The following ADAMTSL1 variants were observed in gnomAD, a reference collection of about 807,000 sequenced individuals.
The protein encoded by ADAMTSL1 is ADAMTS-like protein 1.
A neutral mutation model predicts 201.8 loss-of-function variants in ADAMTSL1; 126 were observed. That is an observed-to-expected ratio of 0.62 (90% CI 0.54 to 0.72). The LOEUF (loss-of-function observed/expected upper bound fraction) is 0.72. ADAMTSL1 is among the 30% of genes least tolerant of loss of function. The pLI, the probability that ADAMTSL1 is intolerant of heterozygous loss-of-function variation, is 0.00. For synonymous variants in ADAMTSL1, 1,121 were observed against 903.4 expected (o/e 1.24, Z -4.32); for missense variants, 2,679 against 2,277.8 (o/e 1.18, Z -3.59).
At chr9:18,417,714 A>G (rs139304240) in intron 2 of ADAMTSL1, among the ~76,000 whole-genome samples, 30 of 152,292 alleles carry the variant, frequency 2.0e-4, no homozygotes, top group Middle Eastern at 6.8e-3. Flanking sequence ...AACTATTTTA[A>G]AAGTTGAATT....
chr9:18,627,754 G>T (rs142119826), intron 5 of ADAMTSL1, among the ~76,000 whole-genome samples: 37 of 152,100 alleles, frequency 2.4e-4, no homozygotes, highest in African/African-American at 8.7e-4. Flanking sequence ...ATTTTAAGGT[G>T]ACCTGATTAG....
intron 23 of ADAMTSL1, among the ~76,000 whole-genome samples, chr9:18,831,629 T>A (rs1824981832): frequency 6.6e-6 from 1 of 152,228 alleles, no homozygotes; most frequent in African/African-American, 2.4e-5. Flanking sequence ...TAGTTTGTGG[T>A]GCTTTGTTAC....
chr9:18,100,423 G>C (rs1231920074), intron 1 of ADAMTSL1, among the ~76,000 whole-genome samples: 2 of 152,138 alleles, frequency 1.3e-5, no homozygotes, highest in Non-Finnish European at 2.9e-5. Flanking sequence ...TGGGACTACA[G>C]GGTGTATATG....
rs201792269 is a variant in ADAMTSL1, at chr9:18,588,902, T to C, written c.474+14636T>C. 2.4e-4 allele frequency among the ~76,000 whole-genome samples: 28 copies of C among 116,762 alleles called. No homozygotes were observed. The South Asian group carries it at 2.5e-3, about 10-fold the overall frequency. 76.6% of individuals were successfully genotyped at this position (116,762 alleles called of 152,430 possible). ...ACATATACATATATATATATATATA[T>C]ACATATATATACACATTTTTTTTTT... On this transcript the variant is annotated intron_variant, in intron 4 of 28. Coordinates refer to ENST00000380548, the MANE Select transcript of ADAMTSL1 (RefSeq NM_001040272.6).
At chr9:18,082,355 G>C (rs1823538754) in intron 1 of ADAMTSL1, among the ~76,000 whole-genome samples, 2 of 152,082 alleles carry the variant, frequency 1.3e-5, no homozygotes, top group South Asian at 4.1e-4. Context: ...TGTCCCTCAG[G>C]CTAGAGTACA....
chr9:18,759,608 TC>T (rs1463970360), intron 16 of ADAMTSL1, among the ~76,000 whole-genome samples: 16 of 152,362 alleles, frequency 1.1e-4, no homozygotes, highest in African/African-American at 3.8e-4. Flanking sequence ...GGACACTTGA[TC>T]CTATCTTTTG....
chr9:18,417,866 T>A (rs1385069953), intron 2 of ADAMTSL1, among the ~76,000 whole-genome samples: 1 of 152,142 alleles, frequency 6.6e-6, no homozygotes, highest in Non-Finnish European at 1.5e-5. Context: ...ACTTCCCAAC[T>A]AATTTTATAA....
At chr9:18,431,892 T>C (rs1370894359) in intron 2 of ADAMTSL1, among the ~76,000 whole-genome samples, 1 of 152,200 alleles carries the variant, frequency 6.6e-6, no homozygotes, top group Admixed American at 6.5e-5. Flanking sequence ...GGCTGGGTTG[T>C]TTTTTAAATT....
chr9:18,188,221 GT>G (rs1828819523), intron 2 of ADAMTSL1, among the ~76,000 whole-genome samples: 1 of 152,130 alleles, frequency 6.6e-6, no homozygotes, highest in Non-Finnish European at 1.5e-5. Flanking sequence ...AAAATCTGGA[GT>G]TGATTGTGTT....
chr9:18,142,211 C>T (rs944745331), intron 1 of ADAMTSL1, among the ~76,000 whole-genome samples: 1 of 152,142 alleles, frequency 6.6e-6, no homozygotes, highest in Non-Finnish European at 1.5e-5. Context: ...CTGGAGAGAA[C>T]AGCTGCTTCT....
intron 19 of ADAMTSL1, among the ~76,000 whole-genome samples, chr9:18,790,177 C>T (rs1255449171): frequency 2.0e-5 from 3 of 152,204 alleles, no homozygotes; most frequent in Non-Finnish European, 4.4e-5. Flanking sequence ...AGTCTATATA[C>T]TCTTCTATGA....
chr9:18,739,657 C>G (rs1365888755), intron 15 of ADAMTSL1, among the ~76,000 whole-genome samples: 2 of 152,148 alleles, frequency 1.3e-5, no homozygotes, highest in East Asian at 3.9e-4. Flanking sequence ...GTTTAGGTCA[C>G]TTTTGTGTGG....
At chr9:18,518,647 T>G (rs1818504332) in intron 2 of ADAMTSL1, among the ~76,000 whole-genome samples, 1 of 152,112 alleles carries the variant, frequency 6.6e-6, no homozygotes, top group Admixed American at 6.5e-5. Flanking sequence ...TGATTTCTTT[T>G]CCTTTGGTTA....
intron 1 of ADAMTSL1, among the ~76,000 whole-genome samples, chr9:17,925,822 A>T (rs1042345918): frequency 3.5e-5 from 5 of 144,554 alleles, no homozygotes; most frequent in African/African-American, 1.3e-4. Context: ...AACCTGCACA[A>T]TGTGCACATG....
At chr9:17,940,893 G>A (rs1489711725) in intron 1 of ADAMTSL1, among the ~76,000 whole-genome samples, 1 of 128,772 alleles carries the variant, frequency 7.8e-6, no homozygotes, top group African/African-American at 2.7e-5. Context: ...TGCACTTAAA[G>A]AAAATTCTTA....
chr9:18,126,998 A>T (rs573843224), intron 1 of ADAMTSL1, among the ~76,000 whole-genome samples: 2 of 152,290 alleles, frequency 1.3e-5, no homozygotes, highest in Admixed American at 1.3e-4. Context: ...GATGAGGCAG[A>T]TCTTCCAAAC....
chr9:18,458,670 A>G (rs2131699972), intron 2 of ADAMTSL1, among the ~76,000 whole-genome samples: 2 of 152,302 alleles, frequency 1.3e-5, no homozygotes, highest in Middle Eastern at 6.8e-3. Flanking sequence ...TATACCGGGA[A>G]AAAGATTCGA....
At chr9:18,434,216 C>T (rs1819622495) in intron 2 of ADAMTSL1, among the ~76,000 whole-genome samples, 2 of 152,158 alleles carry the variant, frequency 1.3e-5, no homozygotes, top group Admixed American at 1.3e-4. Context: ...TAAAAGAATT[C>T]AGGGTCATAA....
At chr9:18,268,952 C>T (rs1282517995) in intron 2 of ADAMTSL1, among the ~76,000 whole-genome samples, 1 of 152,048 alleles carries the variant, frequency 6.6e-6, no homozygotes, top group Non-Finnish European at 1.5e-5. Flanking sequence ...CATTCAGAAT[C>T]TCAAAGAACG....
Sources: gnomAD v4.1 joint callset for allele counts (sites outside exome capture counted in the v4.1 genomes callset) on GRCh38, gnomAD v4.1.1 for gene constraint, MANE v1.5 for transcripts, NCBI Gene and HGNC (gene_info 2026-07-23, HGNC 2026-07-21) for gene names.